The following SYT10 variants were observed in gnomAD, a reference collection of about 807,000 sequenced individuals.
SYT10 encodes the protein synaptotagmin 10, also known as synaptotagmin-10.
A neutral mutation model predicts 51.1 loss-of-function variants in SYT10; 31 were observed. The observed-to-expected ratio is 0.61, with a 90% CI of 0.46 to 0.82. SYT10 has a LOEUF of 0.82. SYT10 is among the 40% of genes least tolerant of loss of function. SYT10 has a pLI of 0.00. For missense variants in SYT10, 603 were observed against 634.0 expected (o/e 0.95, Z 0.53); for synonymous variants, 233 against 225.9 (o/e 1.03, Z -0.28).
chr12:33,414,155 C>T (rs1204049664), intron 2 of SYT10, among the ~76,000 whole-genome samples: 5 of 152,026 alleles, frequency 3.3e-5, no homozygotes, highest in African/African-American at 1.2e-4. Flanking sequence ...ATATATGCAC[C>T]CAATACAGGA....
chr12:33,398,269 T>G (rs1301254388), intron 3 of SYT10, among the ~76,000 whole-genome samples: 2 of 152,036 alleles, frequency 1.3e-5, no homozygotes, highest in South Asian at 2.1e-4. Flanking sequence ...ATCCCAGCAC[T>G]TTGGGAGGCT....
In SYT10 at chr12:33,376,730, G is replaced by A. The variant is rs1866065548; in HGVS notation, c.*100C>T. 7.5e-6 allele frequency: 10 copies of A among 1,330,500 alleles called. No individual in the cohort carries two copies. The highest frequency in any genetic ancestry group is 2.3e-5 in the East Asian group (1 of 43,138). 82.4% of individuals were successfully genotyped at this position (1,330,500 alleles called of 1,614,324 possible). On this transcript the variant is annotated 3_prime_UTR_variant, in exon 7 of 7. Coordinates refer to ENST00000228567, the MANE Select transcript of SYT10 (RefSeq NM_198992.4). ...GCACATCAAGTTTGTTCATTAGTAC[G>A]GATATATTTCAAATGAGGAAACCAA...
At chr12:33,435,920 G>A (rs1160556887) in intron 1 of SYT10, among the ~76,000 whole-genome samples, 2 of 152,112 alleles carry the variant, frequency 1.3e-5, no homozygotes, top group Non-Finnish European at 1.5e-5. Context: ...GAATTTAGAA[G>A]AATTTGTCTA....
intron 1 of SYT10, among the ~76,000 whole-genome samples, chr12:33,427,638 T>C (rs1483010627): frequency 3.0e-4 from 45 of 152,230 alleles, no homozygotes. Context: ...TATTGTATTT[T>C]ATTTATGTTT....
chr12:33,418,623 C>T (rs535811015), intron 2 of SYT10, among the ~76,000 whole-genome samples: 3 of 152,304 alleles, frequency 2.0e-5, no homozygotes, highest in South Asian at 2.1e-4. Context: ...CCCAGACGCT[C>T]GGTCCAAAAT....
chr12:33,438,448 A>T (rs769633269), intron 1 of SYT10, among the ~76,000 whole-genome samples: 1 of 152,214 alleles, frequency 6.6e-6, no homozygotes, highest in African/African-American at 2.4e-5. Flanking sequence ...CGAGGAGCAC[A>T]GCAGGCTGGA....
At chr12:33,379,549 C>CAAA (rs71068377) in intron 6 of SYT10, among the ~76,000 whole-genome samples, 275 of 22,112 alleles carry the variant, frequency 0.012, 21 homozygotes, top group East Asian at 0.022. Flanking sequence ...TCAGGCTATG[C>CAAA]AAAAAAAAAA....
At chr12:33,388,413 T>TTG (rs1371614953) in intron 3 of SYT10, among the ~76,000 whole-genome samples, 1 of 152,200 alleles carries the variant, frequency 6.6e-6, no homozygotes, top group Non-Finnish European at 1.5e-5. Context: ...GAGTAAGGCT[T>TTG]TGAGTTTCTG....
At chr12:33,421,666 T>C (rs1676966655) in intron 2 of SYT10, among the ~76,000 whole-genome samples, 1 of 152,118 alleles carries the variant, frequency 6.6e-6, no homozygotes, top group African/African-American at 2.4e-5. Context: ...GGCATAAAAG[T>C]GGGTTACACA....
chr12:33,382,634 C>A, intron 4 of SYT10, 114 bp from the exon 5 acceptor site: 1 of 887,296 alleles, frequency 1.1e-6, no homozygotes, highest in Non-Finnish European at 1.5e-6. Context: ...ATATTAAGAC[C>A]TTTAGTATTA....
At chr12:33,426,062 T>TCA (rs3046353) in intron 2 of SYT10, 76 bp downstream of exon 2, 58,200 of 1,200,700 alleles carry the variant, frequency 0.048, 769 homozygotes, top group African/African-American at 0.14. Flanking sequence ...TTATGAAATT[T>TCA]CACACACACA....
chr12:33,416,673 T>C (rs1866456670), intron 2 of SYT10, among the ~76,000 whole-genome samples: 1 of 152,170 alleles, frequency 6.6e-6, no homozygotes, highest in Admixed American at 6.5e-5. Flanking sequence ...TAGCCAGATT[T>C]TGTCATCATC....
At chr12:33,419,736 C>T (rs576636441) in intron 2 of SYT10, among the ~76,000 whole-genome samples, 1 of 152,170 alleles carries the variant, frequency 6.6e-6, no homozygotes, top group African/African-American at 2.4e-5. Flanking sequence ...TTTGATCTAG[C>T]ATATATTTAA....
chr12:33,423,614 T>C (rs995315135), intron 2 of SYT10, among the ~76,000 whole-genome samples: 1 of 152,164 alleles, frequency 6.6e-6, no homozygotes, highest in Non-Finnish European at 1.5e-5. Flanking sequence ...GTTCAAATAA[T>C]GACTCTAGTC....
intron 1 of SYT10, among the ~76,000 whole-genome samples, chr12:33,428,435 C>T (rs1418407438): frequency 6.6e-6 from 1 of 152,118 alleles, no homozygotes; most frequent in Non-Finnish European, 1.5e-5. Flanking sequence ...AAAATCAGGT[C>T]AATGGGTATT....
intron 3 of SYT10, among the ~76,000 whole-genome samples, chr12:33,387,133 A>G (rs1565491269): frequency 6.6e-6 from 1 of 152,156 alleles, no homozygotes; most frequent in Admixed American, 6.5e-5. Context: ...AACTTTTTTC[A>G]TGATACACTA....
At chr12:33,388,022 G>A (rs1460702828) in intron 3 of SYT10, among the ~76,000 whole-genome samples, 3 of 151,958 alleles carry the variant, frequency 2.0e-5, no homozygotes, top group Non-Finnish European at 2.9e-5. Context: ...GGTTACAGGC[G>A]GGTCCAATCT....
intron 2 of SYT10, among the ~76,000 whole-genome samples, chr12:33,407,588 T>C (rs1866370034): frequency 6.6e-6 from 1 of 152,128 alleles, no homozygotes; most frequent in Non-Finnish European, 1.5e-5. Context: ...TAAATGTTCT[T>C]TTTGTTTGTT....
At chr12:33,435,944 G>T (rs1336452683) in intron 1 of SYT10, among the ~76,000 whole-genome samples, 5 of 152,228 alleles carry the variant, frequency 3.3e-5, no homozygotes, top group African/African-American at 1.2e-4. Context: ...TTTTATTTTA[G>T]AATTTTTAGT....
Sources: gnomAD v4.1 joint callset for allele counts (sites outside exome capture counted in the v4.1 genomes callset) on GRCh38, gnomAD v4.1.1 for gene constraint, MANE v1.5 for transcripts, NCBI Gene and HGNC (gene_info 2026-07-23, HGNC 2026-07-21) for gene names.